Variants in TSHZ2 observed in about 807,000 individuals in gnomAD.
TSHZ2 encodes teashirt zinc finger homeobox 2, also known as teashirt homolog 2.
In TSHZ2, 21 loss-of-function variants were observed where a neutral mutation model predicts 74.4. That is an observed-to-expected ratio of 0.28 (90% CI 0.20 to 0.41). TSHZ2 has a LOEUF of 0.41. Among genes scored for constraint, TSHZ2 ranks in the 10% least tolerant of loss-of-function variants. TSHZ2 has a pLI of 1.00. For synonymous variants in TSHZ2, 540 were observed against 515.3 expected, an observed-to-expected ratio of 1.05 and a Z score of -0.65; for missense variants, 1,244 against 1,293.5, an observed-to-expected ratio of 0.96 and a Z score of 0.59.
chr20:52,980,219 A>T (rs908500809), intron 1 of TSHZ2, among the ~76,000 whole-genome samples: 6 of 152,238 alleles, frequency 3.9e-5, no homozygotes, highest in Non-Finnish European at 5.9e-5. Flanking sequence ...GCGGCAGGAT[A>T]AGAAGACAAC....
chr20:53,217,296 G>A (rs2123629811), intron 1 of TSHZ2, among the ~76,000 whole-genome samples: 1 of 152,256 alleles, frequency 6.6e-6, no homozygotes, highest in African/African-American at 2.4e-5. Context: ...CCCCACTTCT[G>A]GGCGCTCAGG....
chr20:53,270,802 A>G (rs1205504033), intron 2 of TSHZ2, among the ~76,000 whole-genome samples: 1 of 152,144 alleles, frequency 6.6e-6, no homozygotes, highest in Non-Finnish European at 1.5e-5. Context: ...ATGGAGAAAA[A>G]AATGATGTTT....
intron 2 of TSHZ2, among the ~76,000 whole-genome samples, chr20:53,393,297 A>T (rs980500238): frequency 1.3e-5 from 2 of 152,244 alleles, no homozygotes; most frequent in Non-Finnish European, 2.9e-5. Context: ...TCCGCTTAGT[A>T]TAATGACCTT....
chr20:53,339,122 C>T (rs1239969274), intron 2 of TSHZ2, among the ~76,000 whole-genome samples: 1 of 152,196 alleles, frequency 6.6e-6, no homozygotes, highest in Non-Finnish European at 1.5e-5. Flanking sequence ...CCTCAGTCCA[C>T]AAGCTTGGGT....
chr20:52,992,337 A>AG (rs990843264), intron 1 of TSHZ2, among the ~76,000 whole-genome samples: 1 of 152,242 alleles, frequency 6.6e-6, no homozygotes, highest in African/African-American at 2.4e-5. Context: ...TTATACTCAC[A>AG]GAGCTGACTG....
chr20:53,074,482 G>A lies in TSHZ2; in HGVS notation c.40+101149G>A, dbSNP rs1284093903. Reference sequence around the variant, plus strand: ...CGAAGTGTAGAAATCCAACAAATGTGTAAAAGGTAAAGGCAAACCAGATTT... The same window carrying A: ...CGAAGTGTAGAAATCCAACAAATGTATAAAAGGTAAAGGCAAACCAGATTT... On this transcript the variant is annotated intron_variant, in intron 1 of 2. Transcript: ENST00000371497. This position sits in a 1 kb window ranked among gnomAD's most constrained non-coding sequence, Gnocchi z 5.9. Among the ~76,000 whole-genome samples the A allele has an allele frequency of 1.3e-5, 2 of 152,142 alleles. No individual in the cohort carries two copies. Among genetic ancestry groups the A allele is most frequent in the East Asian group, 3.9e-4 (2 of 5,186 alleles).
rs1982181992 is a variant in TSHZ2 at position 52,996,241 on chromosome 20, A to C, written c.40+22908A>C. Among the ~76,000 whole-genome samples, 2 of 152,120 alleles carry C rather than the reference A, an allele frequency of 1.3e-5. 1 individual carries two copies. On this transcript the variant is annotated intron_variant, in intron 1 of 2. Coordinates refer to ENST00000371497, the MANE Select transcript of TSHZ2 (RefSeq NM_173485.6). ...AACAGGATTGAAAGAACCACTTTCC[A>C]AGTCTAGATCACTGTAGCATCTTTT...
chr20:53,470,122 CTG>C (rs1196966274), intron 2 of TSHZ2, among the ~76,000 whole-genome samples: 1 of 152,148 alleles, frequency 6.6e-6, no homozygotes, highest in Non-Finnish European at 1.5e-5. Context: ...GTCTCAGTCT[CTG>C]TTGTCAACGC....
At chr20:53,263,351 G>A (rs561417257) in intron 2 of TSHZ2, among the ~76,000 whole-genome samples, 4 of 152,244 alleles carry the variant, frequency 2.6e-5, no homozygotes, top group South Asian at 2.1e-4. Flanking sequence ...TTTATTTGCC[G>A]CAAACAGTGG....
chr20:53,368,066 C>T (rs1160988557), intron 2 of TSHZ2, among the ~76,000 whole-genome samples: 2 of 151,998 alleles, frequency 1.3e-5, no homozygotes, highest in African/African-American at 4.8e-5. Flanking sequence ...GTTTTCCTCC[C>T]GCGCTGGGAC....
At chr20:53,233,195 A>G (rs1989868301) in intron 1 of TSHZ2, among the ~76,000 whole-genome samples, 1 of 152,258 alleles carries the variant, frequency 6.6e-6, no homozygotes, top group African/African-American at 2.4e-5. Flanking sequence ...CTTGGAATCA[A>G]TGAAATGCTA....
Position 53,255,670 on chromosome 20 carries a change from G to T in TSHZ2, c.2212G>T (p.Asp738Tyr). The T allele has an allele frequency of 6.3e-7, 1 of 1,580,934 alleles. No homozygotes were observed. Among genetic ancestry groups the T allele is most frequent in the Non-Finnish European group, 8.6e-7 (1 of 1,164,240 alleles). Residue 738 changes from aspartate (D) to tyrosine (Y), a missense_variant, in exon 2 of 3, where the codon GAC becomes TAC. Physicochemically the swap from Asp to Tyr is radical, Grantham distance 160 (BLOSUM62 -3). This residue lies in a region of TSHZ2 where 562 missense variants were observed against 544.0 expected (regional missense o/e 1.03). Transcript: ENST00000371497. The surrounding 1 kb of genome is among the most constrained non-coding windows in gnomAD (Gnocchi z 4.1). ...MFHKSNLNVMDKPVLSPASTR... is the reference protein window; with the variant it reads ...MFHKSNLNVMYKPVLSPASTR... ...CCACAAGTCGAATCTCAATGTCATG[G>T]ACAAGCCGGTCTTGAGTCCTGCCTC...
intron 2 of TSHZ2, among the ~76,000 whole-genome samples, chr20:53,438,929 C>G (rs1331960377): frequency 6.6e-6 from 1 of 152,128 alleles, no homozygotes; most frequent in Non-Finnish European, 1.5e-5. Context: ...CATTGCACTC[C>G]AGCCTGGGCA....
rs755377553 is a variant in TSHZ2 at position 53,256,223 on chromosome 20, G to A, written c.2765G>A (p.Gly922Asp). 3 of 1,613,662 alleles carry A rather than the reference G, an allele frequency of 1.9e-6. No individual in the cohort carries two copies. The highest frequency in any genetic ancestry group is 1.7e-5 in the Admixed American group (1 of 59,990). The change falls in exon 2 of 3, where the codon GGC (glycine) becomes GAC (aspartate). Residue 922 changes from glycine (G) to aspartate (D), a missense_variant. Transcript: ENST00000371497. This position sits in a 1 kb window ranked among gnomAD's most constrained non-coding sequence, Gnocchi z 4.3. ...AAATTTCTGAAAAACATGGACAAAG[G>A]CCACCCCATCTTTTATTGCAGTGAC... ...GTKFLKNMDK[G>D]HPIFYCSDCA... is the part of the protein sequence containing the mutation.
chr20:53,321,275 T>C (rs1350869332), intron 2 of TSHZ2, among the ~76,000 whole-genome samples: 1 of 152,200 alleles, frequency 6.6e-6, no homozygotes, highest in Non-Finnish European at 1.5e-5. Context: ...CATTCCTTCA[T>C]ATTTTTTTTC....
At chr20:53,314,096 C>A (rs973131775) in intron 2 of TSHZ2, among the ~76,000 whole-genome samples, 1 of 151,768 alleles carries the variant, frequency 6.6e-6, no homozygotes, top group Admixed American at 6.6e-5. Flanking sequence ...AAAACCAGCC[C>A]GGCCAACATG....
chr20:53,091,331 G>A (rs1217694714), intron 1 of TSHZ2, among the ~76,000 whole-genome samples: 1 of 152,160 alleles, frequency 6.6e-6, no homozygotes, highest in African/African-American at 2.4e-5. Flanking sequence ...ATAAAACACA[G>A]TCCCTTGAAA....
chr20:53,296,978 C>A (rs145479537), intron 2 of TSHZ2, among the ~76,000 whole-genome samples: 1 of 152,348 alleles, frequency 6.6e-6, no homozygotes, highest in Non-Finnish European at 1.5e-5. Flanking sequence ...ATTTCCAATC[C>A]ATTTACCCCA....
chr20:53,105,906 C>G (rs1369120850), intron 1 of TSHZ2, among the ~76,000 whole-genome samples: 10 of 152,196 alleles, frequency 6.6e-5, no homozygotes, highest in African/African-American at 2.2e-4. Context: ...ACCTCAGCAT[C>G]CCAAAGTGCT....
Sources: gnomAD v4.1 joint callset for allele counts (sites outside exome capture counted in the v4.1 genomes callset) on GRCh38, gnomAD v4.1.1 for gene constraint, gnomAD v4.1.1 regional missense constraint, Gnocchi (gnomAD v3.1) non-coding constraint, MANE v1.5 for transcripts, NCBI Gene and HGNC (gene_info 2026-07-23, HGNC 2026-07-21) for gene names.